The following TEKT3 variants were observed in gnomAD, a reference collection of about 807,000 sequenced individuals.
The protein encoded by TEKT3 is tektin-3.
TEKT3 carries 49 observed loss-of-function variants against 49.8 expected under a neutral mutation model. The ratio of observed to expected loss-of-function variants is 0.98; its 90% CI spans 0.78 to 1.25. TEKT3 has a LOEUF of 1.25. Ranked by LOEUF, TEKT3 falls within the 50% of genes most tolerant of loss-of-function variation. The pLI is 0.00. For missense variants in TEKT3, 595 were observed against 629.5 expected, an observed-to-expected ratio of 0.95 and a Z score of 0.59; for synonymous variants, 225 against 237.2, an observed-to-expected ratio of 0.95 and a Z score of 0.47.
intron 5 of TEKT3, among the ~76,000 whole-genome samples, chr17:15,314,540 A>AAC (rs1234336456): frequency 6.6e-6 from 1 of 152,076 alleles, no homozygotes; most frequent in East Asian, 1.9e-4. Flanking sequence ...ATCTCCCTAA[A>AAC]ACACACAAAC....
At chr17:15,329,692 G>A (rs1911636826) in intron 3 of TEKT3, among the ~76,000 whole-genome samples, 1 of 152,134 alleles carries the variant, frequency 6.6e-6, no homozygotes, top group Non-Finnish European at 1.5e-5. Context: ...GTACAGCGGG[G>A]AGGGGTTGCA....
At chr17:15,331,891 T>A (rs1389478537) in intron 2 of TEKT3, among the ~76,000 whole-genome samples, 2 of 152,210 alleles carry the variant, frequency 1.3e-5, no homozygotes. Flanking sequence ...ATTGTCTTGT[T>A]GTAACAAATT....
chr17:15,338,943 C>A (rs551552146), intron 2 of TEKT3, among the ~76,000 whole-genome samples: 3 of 151,972 alleles, frequency 2.0e-5, no homozygotes, highest in African/African-American at 7.3e-5. Context: ...GGAAAAATCC[C>A]CTAAATTAGG....
At chr17:15,319,228 T>C in intron 4 of TEKT3, 81 bp from the exon 5 acceptor site, 1 of 1,224,452 alleles carries the variant, frequency 8.2e-7, no homozygotes, top group Admixed American at 2.5e-5. Context: ...CAAACATCAA[T>C]GAAGGAAAAT....
chr17:15,332,705 T>C (rs230907), intron 2 of TEKT3, among the ~76,000 whole-genome samples: 14,450 of 152,234 alleles, frequency 0.095, 834 homozygotes, highest in East Asian at 0.22. Context: ...GACAATGCTA[T>C]GTATTTAGAA....
At chr17:15,329,072 C>G (rs929801958) in intron 3 of TEKT3, among the ~76,000 whole-genome samples, 2 of 152,176 alleles carry the variant, frequency 1.3e-5, no homozygotes, top group East Asian at 1.9e-4. Context: ...GAAATTTCTA[C>G]CAATCCATAG....
At chr17:15,330,222 G>A (rs1911664054) in intron 3 of TEKT3, among the ~76,000 whole-genome samples, 1 of 152,092 alleles carries the variant, frequency 6.6e-6, no homozygotes, top group Admixed American at 6.5e-5. Flanking sequence ...AAAAATAAAG[G>A]TTTTGGTCTC....
rs945914458 is a variant in TEKT3, at chr17:15,309,109, C to T, written c.1102-291G>A. Among the ~76,000 whole-genome samples the T allele has an allele frequency of 2.6e-5, 4 of 152,160 alleles. No individual in the cohort carries two copies. The South Asian group carries it at 6.2e-4, about 24-fold the overall frequency. On this transcript the variant is annotated intron_variant, in intron 7 of 8. Transcript: ENST00000395930. ...ATCAGCCAGGGTGGGAGTATTTCAA[C>T]TACAGAAATTGGCAAATGCTCCAAA...
At position 15,305,302 on chromosome 17, in the gene TEKT3, G is replaced by C. The variant is rs189753421; in HGVS notation, c.1257-1150C>G. Among the ~76,000 whole-genome samples, 1,042 of 152,276 alleles carry C rather than the reference G, an allele frequency of 6.8e-3. 6 individuals carry two copies. Among genetic ancestry groups the C allele is most frequent in the Non-Finnish European group, 0.012 (790 of 68,014 alleles). On this transcript the variant is annotated intron_variant, in intron 8 of 8. Transcript: ENST00000395930. ...TGATTGAAGCAACAACAGGCCATGG[G>C]AACATATCCACGCTGTGCAACACCT...
At chr17:15,323,766 C>T (rs1351244757) in intron 4 of TEKT3, among the ~76,000 whole-genome samples, 3 of 152,186 alleles carry the variant, frequency 2.0e-5, no homozygotes, top group African/African-American at 4.8e-5. Context: ...TGGCAATGAC[C>T]GAAGCTCCTC....
intron 5 of TEKT3, among the ~76,000 whole-genome samples, chr17:15,318,150 C>T (rs561391716): frequency 1.8e-4 from 27 of 151,804 alleles, no homozygotes; most frequent in South Asian, 1.3e-3. Context: ...CCACCATGCC[C>T]GGCTAATTTT....
At chr17:15,330,735 A>G (rs1911688138) in intron 3 of TEKT3, among the ~76,000 whole-genome samples, 1 of 152,130 alleles carries the variant, frequency 6.6e-6, no homozygotes, top group Admixed American at 6.5e-5. Context: ...TCACCTTAAA[A>G]CATTGTGTGT....
At chr17:15,334,535 G>A (rs1911907587) in intron 2 of TEKT3, among the ~76,000 whole-genome samples, 2 of 152,224 alleles carry the variant, frequency 1.3e-5, no homozygotes, top group Non-Finnish European at 2.9e-5. Context: ...ATCTGAAGAT[G>A]CAGAGGTTTA....
rs754964740 is a variant in TEKT3 at position 15,308,715 on chromosome 17, TCATC to T, written c.1201_1204del (p.Asp401SerfsTer37). 3 of 1,613,564 alleles carry T rather than the reference TCATC, an allele frequency of 1.9e-6. No individual in the cohort carries two copies. The highest frequency in any genetic ancestry group is 2.5e-6 in the Non-Finnish European group (3 of 1,179,928). On this transcript the variant is annotated frameshift_variant, in exon 8 of 9. Coordinates refer to ENST00000395930, the MANE Select transcript of TEKT3 (RefSeq NM_031898.3). LOFTEE classifies it high-confidence loss of function. ...CTCAATGTTCGGCCGTCTTGTGCGC[TCATC>T]CAGTCTGGTCTGAGCCACCTTCAGG...
At chr17:15,340,915 G>A (rs1276812712) in intron 1 of TEKT3, among the ~76,000 whole-genome samples, 1 of 152,084 alleles carries the variant, frequency 6.6e-6, no homozygotes, top group African/African-American at 2.4e-5. Context: ...TTTCCAGGAT[G>A]TTTATTTCTC....
chr17:15,343,614 C>A (rs1912297122), upstream of TEKT3, among the ~76,000 whole-genome samples: 1 of 152,154 alleles, frequency 6.6e-6, no homozygotes, highest in Non-Finnish European at 1.5e-5. Flanking sequence ...GGGACTCAGT[C>A]AATGTTTGTT....
chr17:15,325,174 A>T (rs1045119759), intron 4 of TEKT3, among the ~76,000 whole-genome samples: 3 of 152,242 alleles, frequency 2.0e-5, no homozygotes, highest in African/African-American at 7.2e-5. Flanking sequence ...TGTTGAAATC[A>T]GGAGGTGTGA....
At chr17:15,335,753 A>G (rs763571267) in intron 2 of TEKT3, among the ~76,000 whole-genome samples, 2 of 152,328 alleles carry the variant, frequency 1.3e-5, no homozygotes, top group Non-Finnish European at 2.9e-5. Context: ...AGTAAACTAC[A>G]TACAAGTATT....
In TEKT3 at chr17:15,312,457, G is replaced by C; in HGVS notation, c.903C>G (p.Ala301=). ...GGAGAATATTGTCATCTGTAAATTT[G>C]GCCCAGGACTCAGGCACTGAGACAC... is the stretch of plus-strand genomic sequence containing the variant. ...DATVSVPESW[A]KFTDDNILRS... Residue 301 remains alanine (A), a synonymous_variant, in exon 7 of 9, where the codon GCC becomes GCG. Transcript: ENST00000395930. 6.2e-7 allele frequency: 1 copy of C among 1,614,078 alleles called. No individual in the cohort carries two copies. Among genetic ancestry groups the C allele is most frequent in the Non-Finnish European group, 8.5e-7 (1 of 1,180,032 alleles).
Sources: gnomAD v4.1 joint callset for allele counts (sites outside exome capture counted in the v4.1 genomes callset) on GRCh38, gnomAD v4.1.1 for gene constraint, MANE v1.5 for transcripts, NCBI Gene and HGNC (gene_info 2026-07-23, HGNC 2026-07-21) for gene names.